TMEM38A: variants seen among roughly 807,000 people sequenced by gnomAD.
TMEM38A encodes transmembrane protein 38A, also known as trimeric intracellular cation channel type A.
A neutral mutation model predicts 28.6 loss-of-function variants in TMEM38A; 17 were observed. The observed-to-expected ratio is 0.60, with a 90% CI of 0.41 to 0.89. TMEM38A has a LOEUF of 0.89. Ranked by LOEUF, TMEM38A falls within the 40% of genes least tolerant of loss-of-function variation. TMEM38A has a pLI of 0.00. For missense variants in TMEM38A, 328 were observed against 393.1 expected (o/e 0.83, Z 1.40); for synonymous variants, 169 against 166.1 (o/e 1.02, Z -0.14).
chr19:16,680,632 T>G (rs901792), intron 3 of TMEM38A, 51 bp downstream of exon 3: 1 of 1,584,870 alleles, frequency 6.3e-7, no homozygotes, highest in Non-Finnish European at 8.6e-7. Flanking sequence ...AACTTTTGGT[T>G]CAGTGGTACT....
chr19:16,670,846 G>A (rs1297115704), intron 1 of TMEM38A, among the ~76,000 whole-genome samples: 1 of 152,144 alleles, frequency 6.6e-6, no homozygotes, highest in Non-Finnish European at 1.5e-5. Context: ...GGCTGAGGCA[G>A]GAGAATCACT....
intron 1 of TMEM38A, among the ~76,000 whole-genome samples, chr19:16,662,760 C>T (rs1418598266): frequency 6.6e-6 from 1 of 151,942 alleles, no homozygotes; most frequent in Non-Finnish European, 1.5e-5. Context: ...CCAATGCACG[C>T]TCTTATGCTA....
chr19:16,665,010 A>G (rs754797773), intron 1 of TMEM38A, among the ~76,000 whole-genome samples: 16 of 151,522 alleles, frequency 1.1e-4, no homozygotes, highest in African/African-American at 3.4e-4. Flanking sequence ...AAAATACAAA[A>G]ATGGCTAGGC....
chr19:16,683,846 T>A (rs2086791005), intron 4 of TMEM38A, among the ~76,000 whole-genome samples: 1 of 152,114 alleles, frequency 6.6e-6, no homozygotes, highest in Non-Finnish European at 1.5e-5. Flanking sequence ...GGTGCATGCC[T>A]GTAATCCCAG....
intron 1 of TMEM38A, among the ~76,000 whole-genome samples, chr19:16,678,764 T>A (rs1309419933): frequency 2.3e-4 from 19 of 83,348 alleles, no homozygotes; most frequent in Middle Eastern, 0.014. Context: ...AAACCCTGTG[T>A]CCAAAAAAAA....
intron 4 of TMEM38A, among the ~76,000 whole-genome samples, chr19:16,683,158 G>A (rs1229924486): frequency 6.6e-6 from 1 of 151,986 alleles, no homozygotes; most frequent in African/African-American, 2.4e-5. Flanking sequence ...ATTTTGAGTA[G>A]AGATGGGGTT....
intron 1 of TMEM38A, among the ~76,000 whole-genome samples, chr19:16,664,458 C>T (rs2033970890): frequency 6.6e-6 from 1 of 151,914 alleles, no homozygotes; most frequent in East Asian, 1.9e-4. Context: ...AGTGAGGTGT[C>T]GGATTGAACT....
intron 1 of TMEM38A, among the ~76,000 whole-genome samples, chr19:16,663,203 C>T (rs2086689542): frequency 6.6e-6 from 1 of 151,566 alleles, no homozygotes; most frequent in Non-Finnish European, 1.5e-5. Flanking sequence ...ATCACTTGAA[C>T]CTGGGAGGCG....
intron 1 of TMEM38A, among the ~76,000 whole-genome samples, chr19:16,667,663 C>T (rs777752222): frequency 3.3e-5 from 5 of 151,226 alleles, no homozygotes; most frequent in Non-Finnish European, 5.9e-5. Flanking sequence ...GAGACCAGCC[C>T]GGCCAACATG....
chr19:16,661,410 C>T lies in TMEM38A; in HGVS notation c.124+69C>T, dbSNP rs2014031448. On this transcript the variant is annotated intron_variant, in intron 1 of 5. Transcript: ENST00000187762. The surrounding 1 kb of genome is among the most constrained non-coding windows in gnomAD (Gnocchi z 6.5). ...GCGGGCCGGGGCAGCTCGGGGGTCG[C>T]AGAGAGGGGAAGCCCGTGCGTGGTG... 7.3e-7 allele frequency: 1 copy of T among 1,367,358 alleles called. No homozygotes were observed. The highest frequency in any genetic ancestry group is 3.0e-5 in the East Asian group (1 of 33,262). The allele number at this position is 1,367,358 out of a possible 1,614,324, so 84.7% of individuals were successfully genotyped here.
intron 1 of TMEM38A, among the ~76,000 whole-genome samples, chr19:16,673,555 C>T (rs965381140): frequency 6.6e-6 from 1 of 152,104 alleles, no homozygotes; most frequent in Non-Finnish European, 1.5e-5. Flanking sequence ...AGTGGAATTG[C>T]TGGGGTCCAG....
chr19:16,689,046 C>G lies in TMEM38A; in HGVS notation c.*675C>G, dbSNP rs1351478760. ...TTGCATATTGACTCCTGAAGAACTT[C>G]AAGCCATGTTGAGATCCATTCATTT... On this transcript the variant is annotated 3_prime_UTR_variant, in exon 6 of 6. Coordinates refer to ENST00000187762, the MANE Select transcript of TMEM38A (RefSeq NM_024074.4). The G allele has an allele frequency of 6.6e-6, 1 of 151,726 alleles. No homozygotes were observed. Among genetic ancestry groups the G allele is most frequent in the Non-Finnish European group, 1.5e-5 (1 of 67,980 alleles). The allele number at this position is 151,726 out of a possible 1,614,324, so 9.4% of individuals were successfully genotyped here.
chr19:16,686,369 C>A lies in TMEM38A; in HGVS notation c.636C>A (p.Leu212=). The A allele has an allele frequency of 6.2e-7, 1 of 1,613,762 alleles. No individual in the cohort carries two copies. The highest frequency in any genetic ancestry group is 8.5e-7 in the Non-Finnish European group (1 of 1,179,904). The change falls in exon 5 of 6, where the codon CTC becomes CTA. Residue 212 remains leucine (L), a synonymous_variant. Coordinates refer to ENST00000187762, the MANE Select transcript of TMEM38A (RefSeq NM_024074.4). ...GGCTCCCAGTGTCCAAAGCCAGCCT[C>A]ATCTTCATCTTCACCTTGTTCATGG... ...TRWLPVSKAS[L]IFIFTLFMVS...
intron 1 of TMEM38A, among the ~76,000 whole-genome samples, chr19:16,662,177 A>G (rs2086685060): frequency 6.6e-6 from 1 of 152,202 alleles, no homozygotes; most frequent in Non-Finnish European, 1.5e-5. Flanking sequence ...TAGATAATAG[A>G]TTTTAGGCTT....
intron 1 of TMEM38A, among the ~76,000 whole-genome samples, chr19:16,665,345 C>T (rs1367911727): frequency 6.6e-6 from 1 of 151,716 alleles, no homozygotes; most frequent in Non-Finnish European, 1.5e-5. Flanking sequence ...AAATATTAGC[C>T]AGGTGTGGTG....
intron 1 of TMEM38A, 130 bp from the exon 2 acceptor site, chr19:16,679,854 C>T (rs1030873131): frequency 6.1e-5 from 60 of 982,080 alleles, no homozygotes; most frequent in Non-Finnish European, 8.1e-5. Flanking sequence ...CTTGGTTCCT[C>T]CTCTGAAACT....
intron 1 of TMEM38A, among the ~76,000 whole-genome samples, chr19:16,663,721 A>G (rs1182749871): frequency 6.7e-6 from 1 of 149,624 alleles, no homozygotes; most frequent in Non-Finnish European, 1.5e-5. Flanking sequence ...TATTTTTAGT[A>G]GAGACAGGGT....
intron 4 of TMEM38A, among the ~76,000 whole-genome samples, chr19:16,683,352 G>A (rs1375851546): frequency 6.6e-6 from 1 of 152,020 alleles, no homozygotes; most frequent in Non-Finnish European, 1.5e-5. Context: ...ACTTTGGGAG[G>A]CCAAGCCTGG....
chr19:16,672,858 T>C (rs2086733693), intron 1 of TMEM38A, among the ~76,000 whole-genome samples: 1 of 152,134 alleles, frequency 6.6e-6, no homozygotes. Context: ...GGGATTCTGT[T>C]CCCAAAGGAT....
Sources: gnomAD v4.1 joint callset for allele counts (sites outside exome capture counted in the v4.1 genomes callset) on GRCh38, gnomAD v4.1.1 for gene constraint, Gnocchi (gnomAD v3.1) non-coding constraint, MANE v1.5 for transcripts, NCBI Gene and HGNC (gene_info 2026-07-23, HGNC 2026-07-21) for gene names.